Variants in ROBO2 observed in about 807,000 individuals in gnomAD.
ROBO2 encodes roundabout homolog 2.
Under a neutral mutation model 160.8 loss-of-function variants are expected in ROBO2, and 53 were observed. That is an observed-to-expected ratio of 0.33 (90% confidence interval 0.26 to 0.41). The LOEUF (loss-of-function observed/expected upper bound fraction) is 0.41, where lower values mean the gene tolerates loss of function less well. Among genes scored for constraint, ROBO2 ranks in the 10% least tolerant of loss-of-function variants. The probability of loss-of-function intolerance (pLI) is 1.00; values close to 1 mark genes in which losing one functional copy is unlikely to be tolerated. For missense variants in ROBO2, 1,577 were observed against 1,722.4 expected (o/e 0.92, Z 1.49); for synonymous variants, 664 against 611.7 (o/e 1.09, Z -1.26).
At chr3:76,807,234 G>A (rs920869178) in intron 2 of ROBO2, among the ~76,000 whole-genome samples, 7 of 152,020 alleles carry the variant, frequency 4.6e-5, no homozygotes, top group African/African-American at 1.7e-4. Flanking sequence ...CAGCATGTCA[G>A]TAGTGGAATA....
intron 2 of ROBO2, among the ~76,000 whole-genome samples, chr3:76,681,606 A>C (rs2092563252): frequency 6.6e-6 from 1 of 152,274 alleles, no homozygotes; most frequent in African/African-American, 2.4e-5. Flanking sequence ...GGAACTAGCC[A>C]TGTGAAGGGG....
At chr3:76,674,187 G>A (rs1486156175) in intron 2 of ROBO2, among the ~76,000 whole-genome samples, 1 of 152,028 alleles carries the variant, frequency 6.6e-6, no homozygotes, top group Non-Finnish European at 1.5e-5. Flanking sequence ...GATGGAACTG[G>A]AGGGATACAT....
intron 2 of ROBO2, among the ~76,000 whole-genome samples, chr3:76,019,646 C>T (rs373219512): frequency 4.0e-5 from 6 of 149,132 alleles, no homozygotes; most frequent in South Asian, 2.1e-4. Flanking sequence ...AAGCTCCATG[C>T]GTATCTGAGA....
intron 2 of ROBO2, among the ~76,000 whole-genome samples, chr3:76,469,072 T>C (rs759040180): frequency 2.0e-5 from 3 of 152,140 alleles, no homozygotes; most frequent in Non-Finnish European, 4.4e-5. Flanking sequence ...TTTACTTCTT[T>C]ATTAATGAAT....
chr3:75,918,134 C>T (rs1346113185), intron 1 of ROBO2, among the ~76,000 whole-genome samples: 2 of 152,084 alleles, frequency 1.3e-5, no homozygotes, highest in African/African-American at 2.4e-5. Flanking sequence ...ATCGTATTGC[C>T]TAGGTTTTCT....
intron 2 of ROBO2, among the ~76,000 whole-genome samples, chr3:77,349,953 A>G (rs180809277): frequency 6.6e-6 from 1 of 152,070 alleles, no homozygotes; most frequent in Non-Finnish European, 1.5e-5. Context: ...GTTATTTCTT[A>G]TTGAAAGTTA....
chr3:76,198,455 A>G (rs894153834), intron 2 of ROBO2, among the ~76,000 whole-genome samples: 1 of 152,198 alleles, frequency 6.6e-6, no homozygotes, highest in Non-Finnish European at 1.5e-5. Context: ...ATGTGATGAA[A>G]AGAAATTACT....
At chr3:76,058,250 C>T (rs2067925276) in intron 2 of ROBO2, among the ~76,000 whole-genome samples, 1 of 152,080 alleles carries the variant, frequency 6.6e-6, no homozygotes, top group South Asian at 2.1e-4. Context: ...CTGTCCCTCC[C>T]ATAACCCCCT....
rs542012180 is a variant in ROBO2 at position 76,511,121 on chromosome 3, G to A, written c.109+573519G>A. On this transcript the variant is annotated intron_variant, in intron 2 of 26. Coordinates refer to the ROBO2 transcript ENST00000487694. ...TCACTGTTTTGGTATTACTGCCCCC[G>A]AAAGACACTGAATGCAGCTGACGAG... 2.5e-4 allele frequency among the ~76,000 whole-genome samples: 38 copies of A among 152,226 alleles called. No homozygotes were observed. In the South Asian group the frequency reaches 5.0e-3, roughly 20 times the overall value.
intron 2 of ROBO2, among the ~76,000 whole-genome samples, chr3:76,308,686 C>G (rs1016565010): frequency 6.6e-6 from 1 of 152,132 alleles, no homozygotes; most frequent in Non-Finnish European, 1.5e-5. Context: ...CTTCTCTCTT[C>G]TGGTATGCAG....
At chr3:76,536,568 C>T (rs116434444) in intron 2 of ROBO2, among the ~76,000 whole-genome samples, 8 of 152,088 alleles carry the variant, frequency 5.3e-5, no homozygotes, top group Non-Finnish European at 1.2e-4. Flanking sequence ...AGGCAAGAGA[C>T]CATGTAATCT....
At chr3:77,180,416 C>CTCTCTCTCTCTCTATATATATATATATA (rs1433740534) in intron 2 of ROBO2, among the ~76,000 whole-genome samples, 19 of 90,714 alleles carry the variant, frequency 2.1e-4, no homozygotes, top group South Asian at 3.8e-4. Context: ...CTCTCTCTCT[C>CTCTCTCTCTCTCTATATATATATATATA]TATATATATA....
chr3:76,218,180 T>C (rs1160342994), intron 2 of ROBO2, among the ~76,000 whole-genome samples: 1 of 152,154 alleles, frequency 6.6e-6, no homozygotes, highest in Non-Finnish European at 1.5e-5. Flanking sequence ...ACAAGAGCTA[T>C]CTATTGCAAA....
intron 2 of ROBO2, among the ~76,000 whole-genome samples, chr3:77,006,999 T>A (rs1194551587): frequency 6.6e-6 from 1 of 152,062 alleles, no homozygotes; most frequent in Admixed American, 6.5e-5. Context: ...AAAGCCATAG[T>A]CACAAGCAAG....
intron 2 of ROBO2, among the ~76,000 whole-genome samples, chr3:76,964,247 A>C (rs542303243): frequency 6.6e-6 from 1 of 152,302 alleles, no homozygotes; most frequent in Non-Finnish European, 1.5e-5. Context: ...CATAGGTTTT[A>C]ATTCATATTA....
At chr3:76,511,790 TA>T (rs1172834519) in intron 2 of ROBO2, among the ~76,000 whole-genome samples, 1 of 151,992 alleles carries the variant, frequency 6.6e-6, no homozygotes, top group African/African-American at 2.4e-5. Flanking sequence ...AGAAAAATTA[TA>T]TCTGACTTCC....
At chr3:76,317,698 A>G (rs2072155945) in intron 2 of ROBO2, among the ~76,000 whole-genome samples, 1 of 152,262 alleles carries the variant, frequency 6.6e-6, no homozygotes, top group Non-Finnish European at 1.5e-5. Context: ...TCTGAAAAAC[A>G]TGTTTTTTCT....
In ROBO2 at chr3:76,073,267, CTTTTTTTTTTTTTTTTTTTTTTT is replaced by C. The variant is rs869307615; in HGVS notation, c.109+135687_109+135709del. ...TTGTAAACTTCTCAGAATGAGTATT[CTTTTTTTTTTTTTTTTTTTTTTT>C]TTTTTTTTTTTTTTTTTTTTTGAGA... is the stretch of plus-strand genomic sequence containing the variant. On this transcript the variant is annotated intron_variant, in intron 2 of 26. Coordinates refer to the ROBO2 transcript ENST00000487694. Among the ~76,000 whole-genome samples, 63 of 57,396 alleles carry C rather than the reference CTTTTTTTTTTTTTTTTTTTTTTT, an allele frequency of 1.1e-3. 1 individual carries two copies. The highest frequency in any genetic ancestry group is 4.3e-3 in the South Asian group (7 of 1,638). The allele number at this position is 57,396 out of a possible 152,430, so 37.7% of individuals were successfully genotyped here.
chr3:76,889,206 C>G (rs1454664088), intron 2 of ROBO2, among the ~76,000 whole-genome samples: 1 of 152,168 alleles, frequency 6.6e-6, no homozygotes, highest in African/African-American at 2.4e-5. Context: ...TGAGATGAGA[C>G]TGACTCACTT....
Sources: allele counts gnomAD v4.1 joint callset (sites outside exome capture counted in the v4.1 genomes callset), GRCh38; gene constraint gnomAD v4.1.1; transcripts MANE v1.5; gene names NCBI Gene and HGNC (gene_info 2026-07-23, HGNC 2026-07-21).